Variants in MKX observed in about 807,000 individuals in gnomAD.
MKX encodes mohawk homeobox.
A neutral mutation model predicts 36.0 loss-of-function variants in MKX; 13 were observed. The observed-to-expected ratio is 0.36, with a 90% CI of 0.24 to 0.57. MKX has a LOEUF of 0.57. Ranked by LOEUF, MKX falls within the 20% of genes least tolerant of loss-of-function variation. The probability of loss-of-function intolerance (pLI) is 0.79; values close to 1 mark genes in which losing one functional copy is unlikely to be tolerated. For missense variants in MKX, 458 were observed against 456.4 expected, an observed-to-expected ratio of 1.00 and a Z score of -0.03; for synonymous variants, 176 against 178.3, an observed-to-expected ratio of 0.99 and a Z score of 0.10.
At chr10:27,716,477 C>A (rs945033420) in intron 5 of MKX, among the ~76,000 whole-genome samples, 2 of 148,820 alleles carry the variant, frequency 1.3e-5, no homozygotes, top group Admixed American at 6.7e-5. Flanking sequence ...CTGATGCTGG[C>A]CTGCATGTGA....
chr10:27,725,023 T>A (rs1180561937), intron 5 of MKX, among the ~76,000 whole-genome samples: 1 of 152,180 alleles, frequency 6.6e-6, no homozygotes, highest in Non-Finnish European at 1.5e-5. Context: ...ACTAATGATT[T>A]AAGTATTTTT....
At chr10:27,684,307 C>T (rs1392522767) in intron 5 of MKX, among the ~76,000 whole-genome samples, 1 of 151,358 alleles carries the variant, frequency 6.6e-6, no homozygotes, top group Non-Finnish European at 1.5e-5. Flanking sequence ...AGAGTGAAAC[C>T]CTGTCTCAAA....
intron 5 of MKX, among the ~76,000 whole-genome samples, chr10:27,715,885 G>A (rs1265421239): frequency 2.7e-5 from 4 of 146,876 alleles, no homozygotes; most frequent in African/African-American, 9.8e-5. Flanking sequence ...ATAGCATAAA[G>A]ACATAGGTTG....
chr10:27,725,401 G>T (rs887736716), intron 5 of MKX, among the ~76,000 whole-genome samples: 1 of 152,096 alleles, frequency 6.6e-6, no homozygotes, highest in African/African-American at 2.4e-5. Flanking sequence ...TTCAAATTTT[G>T]TGAAGGAAAT....
At chr10:27,687,825 G>T (rs1197783034) in intron 5 of MKX, among the ~76,000 whole-genome samples, 1 of 152,242 alleles carries the variant, frequency 6.6e-6, no homozygotes, top group Non-Finnish European at 1.5e-5. Context: ...GGGGAGGCCA[G>T]TGTCAGCGGG....
chr10:27,739,045 T>C (rs1834836445), intron 3 of MKX, among the ~76,000 whole-genome samples: 1 of 152,108 alleles, frequency 6.6e-6, no homozygotes, highest in Non-Finnish European at 1.5e-5. Flanking sequence ...ATAGCAGTTT[T>C]AACAAATCGT....
intron 5 of MKX, among the ~76,000 whole-genome samples, chr10:27,678,226 G>A (rs1468290838): frequency 6.6e-6 from 1 of 152,130 alleles, no homozygotes; most frequent in Non-Finnish European, 1.5e-5. Flanking sequence ...GGCGCTACCA[G>A]AACAGAGAAC....
chr10:27,690,274 G>A (rs1409359049), intron 5 of MKX, among the ~76,000 whole-genome samples: 1 of 98,980 alleles, frequency 1.0e-5, no homozygotes, highest in Non-Finnish European at 2.1e-5. Flanking sequence ...AGGAGGCTGA[G>A]GCCAGAGATT....
chr10:27,741,013 C>T lies in MKX; in HGVS notation c.348+332G>A, dbSNP rs1040896645. Among the ~76,000 whole-genome samples the T allele has an allele frequency of 1.3e-5, 2 of 152,188 alleles. No individual in the cohort carries two copies. Among genetic ancestry groups the T allele is most frequent in the Non-Finnish European group, 2.9e-5 (2 of 68,030 alleles). ...ATGCAAATGATGGTCTCACCCCAGACCTGCTGAATCCGAAACTCGGAGGTG... is the reference window on the plus strand; with the variant it reads ...ATGCAAATGATGGTCTCACCCCAGATCTGCTGAATCCGAAACTCGGAGGTG... On this transcript the variant is annotated intron_variant, in intron 3 of 6. Coordinates refer to ENST00000419761, the MANE Select transcript of MKX (RefSeq NM_173576.3). This position sits in a 1 kb window ranked among gnomAD's most constrained non-coding sequence, Gnocchi z 5.1.
At position 27,675,424 on chromosome 10, in the gene MKX, A is replaced by C. The variant is rs1456158844; in HGVS notation, c.873-9T>G. The C allele has an allele frequency of 6.2e-7, 1 of 1,614,118 alleles. No homozygotes were observed. The highest frequency in any genetic ancestry group is 1.1e-5 in the South Asian group (1 of 91,056). On this transcript the variant is annotated splice_polypyrimidine_tract_variant and intron_variant, in intron 6 of 6. Transcript: ENST00000419761. ...CTTTTCTGTTAGCTGCGCTGGAGTT[A>C]AGCAAAACAGAAAGTAAACGATCAA...
intron 3 of MKX, among the ~76,000 whole-genome samples, chr10:27,739,714 TTTGTTTTCTG>T: frequency 6.6e-6 from 1 of 152,308 alleles, no homozygotes; most frequent in South Asian, 2.1e-4. Context: ...TCAATGTTCT[TTTGTTTTCTG>T]TATGAAAGAA....
chr10:27,682,976 T>A (rs1836281591), intron 5 of MKX, among the ~76,000 whole-genome samples: 1 of 145,914 alleles, frequency 6.9e-6, no homozygotes, highest in South Asian at 2.2e-4. Context: ...AGAGCTAGAC[T>A]CGGTCTCGAA....
chr10:27,745,270 A>T (rs1240253427), intron 1 of MKX: 1 of 152,314 alleles, frequency 6.6e-6, no homozygotes, highest in Non-Finnish European at 1.5e-5. Flanking sequence ...GGCGCGCTGT[A>T]GGTCTGCAGG....
chr10:27,692,077 G>C (rs1836465046), intron 5 of MKX, among the ~76,000 whole-genome samples: 1 of 152,174 alleles, frequency 6.6e-6, no homozygotes, highest in Non-Finnish European at 1.5e-5. Flanking sequence ...CCACTAATGG[G>C]ATTGCTGTGT....
chr10:27,693,054 GC>G (rs1836483622), intron 5 of MKX, among the ~76,000 whole-genome samples: 1 of 152,196 alleles, frequency 6.6e-6, no homozygotes, highest in South Asian at 2.1e-4. Flanking sequence ...CTTTTGAACA[GC>G]CACAGAATGT....
chr10:27,720,846 T>C (rs1313388977), intron 5 of MKX, among the ~76,000 whole-genome samples: 3 of 152,040 alleles, frequency 2.0e-5, no homozygotes, highest in Non-Finnish European at 4.4e-5. Context: ...AAACTTACTA[T>C]CTGAAGATGA....
rs763945136 is a variant in MKX at position 27,743,292 on chromosome 10, C to T, written c.124G>A (p.Glu42Lys). ...GGCGGGCCGTCGGGAATGCCCACCT[C>T]GGGGCGGGCGTGAGGACTGTCCAGG... ...GVLDSPHARP[E>K]VGIPDGPPLK... Residue 42 changes from glutamate (E) to lysine (K), a missense_variant, in exon 2 of 7, where the codon GAG becomes AAG. Coordinates refer to ENST00000419761, the MANE Select transcript of MKX (RefSeq NM_173576.3). 9.7e-6 allele frequency: 15 copies of T among 1,552,242 alleles called. No individual in the cohort carries two copies. The highest frequency in any genetic ancestry group is 1.3e-5 in the Non-Finnish European group (15 of 1,155,848).
intron 5 of MKX, among the ~76,000 whole-genome samples, chr10:27,716,592 T>C (rs1374684867): frequency 2.0e-5 from 3 of 152,210 alleles, no homozygotes; most frequent in Non-Finnish European, 2.9e-5. Context: ...CATATGTAAA[T>C]AATTATGTAA....
rs1834296027 is a variant in MKX at position 27,718,454 on chromosome 10, T to A, written c.838+16002A>T. 1.3e-5 allele frequency: 3 copies of A among 234,168 alleles called. No homozygotes were observed. The Middle Eastern group carries it at 1.6e-3, about 128-fold the overall frequency. The allele number at this position is 234,168 out of a possible 1,614,324, so 14.5% of individuals were successfully genotyped here. ...CAAGTACAAAAGGGTAAAAAAGCAA[T>A]ATGAAGCATATGATATTTAATTTTC... On this transcript the variant is annotated intron_variant, in intron 5 of 6. Transcript: ENST00000419761.
Sources: gnomAD v4.1 joint callset for allele counts (sites outside exome capture counted in the v4.1 genomes callset) on GRCh38, gnomAD v4.1.1 for gene constraint, Gnocchi (gnomAD v3.1) non-coding constraint, MANE v1.5 for transcripts, NCBI Gene and HGNC (gene_info 2026-07-23, HGNC 2026-07-21) for gene names.